DOCK11: variants seen among roughly 807,000 people sequenced by gnomAD.
DOCK11 encodes the protein dedicator of cytokinesis 11.
In DOCK11, 70 loss-of-function variants were observed where a neutral mutation model predicts 169.1. That is an observed-to-expected ratio of 0.41 (90% CI 0.34 to 0.51). The LOEUF (loss-of-function observed/expected upper bound fraction) is 0.51, where lower values mean the gene tolerates loss of function less well. DOCK11 is among the 20% of genes least tolerant of loss of function. DOCK11 has a pLI of 0.10. For missense variants in DOCK11, 1,166 were observed against 1,538.8 expected (o/e 0.76, Z 4.05); for synonymous variants, 529 against 541.3 (o/e 0.98, Z 0.32).
rs1157804079 is a variant in DOCK11, at chrX:118,544,645, C to CTTTTTTTTTTTTTTTTTT, written c.393-663_393-646dup. Among the ~76,000 whole-genome samples the CTTTTTTTTTTTTTTTTTT allele has an allele frequency of 1.3e-3, 30 of 23,361 alleles. 8 individuals are homozygous for CTTTTTTTTTTTTTTTTTT. Among genetic ancestry groups the CTTTTTTTTTTTTTTTTTT allele is most frequent in the African/African-American group, 2.5e-3 (14 of 5,543 alleles). The allele number at this position is 23,361 out of a possible 115,157, so 20.3% of individuals were successfully genotyped here. A position where few individuals can be genotyped will look rare whatever the true frequency, so the allele number is the denominator to read the frequency against. ...TGCAAGAGCCAGAATTACACTGTTG[C>CTTTTTTTTTTTTTTTTTT]TTTTTTTTTTTTTTTTTTTTTTTTT... On this transcript the variant is annotated intron_variant, in intron 4 of 52. Coordinates refer to ENST00000276202, the MANE Select transcript of DOCK11 (RefSeq NM_144658.4).
intron 14 of DOCK11, among the ~76,000 whole-genome samples, chrX:118,582,131 GA>G (rs1015131574): frequency 9.1e-6 from 1 of 109,946 alleles, no homozygotes; most frequent in Non-Finnish European, 1.9e-5. Flanking sequence ...CTGTCTCGGG[GA>G]AAAAAAAAGT....
intron 1 of DOCK11, among the ~76,000 whole-genome samples, chrX:118,518,969 T>A (rs138349472): frequency 0.017 from 1,951 of 112,110 alleles, 40 homozygotes; most frequent in African/African-American, 0.06. Context: ...AAGTAAGATC[T>A]ATGAAATTTT....
chrX:118,584,939 T>C (rs2013773722), intron 15 of DOCK11, 82 bp downstream of exon 15: 5 of 1,147,397 alleles, frequency 4.4e-6, no homozygotes, highest in Admixed American at 2.3e-5. Context: ...GAGTCATATA[T>C]GGGAAAAACA....
chrX:118,596,476 CAG>C (rs2014171360), intron 20 of DOCK11, among the ~76,000 whole-genome samples: 1 of 112,474 alleles, frequency 8.9e-6, no homozygotes. Context: ...CACTCACACA[CAG>C]AGTCACAAAT....
intron 35 of DOCK11, among the ~76,000 whole-genome samples, chrX:118,635,721 G>A (rs1284300851): frequency 5.4e-5 from 6 of 111,153 alleles, no homozygotes; most frequent in Non-Finnish European, 3.8e-5. Flanking sequence ...CCGAGTAGCT[G>A]GGATTATAGG....
At chrX:118,557,473 T>G (rs1042186804) in intron 6 of DOCK11, among the ~76,000 whole-genome samples, 2 of 110,471 alleles carry the variant, frequency 1.8e-5, no homozygotes, top group Non-Finnish European at 3.8e-5. Context: ...AGATTAGAAA[T>G]AGAGTCCAAG....
chrX:118,669,033 CGTT>C (rs765518848), intron 45 of DOCK11, among the ~76,000 whole-genome samples: 2 of 111,635 alleles, frequency 1.8e-5, no homozygotes, highest in Non-Finnish European at 3.8e-5. Flanking sequence ...GGAGCGTGTC[CGTT>C]GTTCTGTGAG....
At chrX:118,611,809 C>T (rs2014690902) in intron 28 of DOCK11, among the ~76,000 whole-genome samples, 2 of 110,805 alleles carry the variant, frequency 1.8e-5, no homozygotes, top group African/African-American at 6.6e-5. Flanking sequence ...GGCTGGAGTG[C>T]ACTGGTGCGA....
At chrX:118,550,090 A>G (rs1478362531) in intron 6 of DOCK11, among the ~76,000 whole-genome samples, 1 of 111,804 alleles carries the variant, frequency 8.9e-6, no homozygotes. Flanking sequence ...GAATCAGAGG[A>G]AGGTTCAGCT....
chrX:118,522,989 C>T (rs1041096875), intron 1 of DOCK11, among the ~76,000 whole-genome samples: 2 of 112,326 alleles, frequency 1.8e-5, no homozygotes, highest in East Asian at 2.8e-4. Context: ...ATCTGTTTTC[C>T]CATTGATAAA....
chrX:118,590,895 T>C (rs2013972824), intron 19 of DOCK11, among the ~76,000 whole-genome samples: 1 of 112,019 alleles, frequency 8.9e-6, no homozygotes, highest in Non-Finnish European at 1.9e-5. Context: ...TTTGAAACCC[T>C]GTCTCTGCCC....
At chrX:118,507,933 T>C (rs933479406) in intron 1 of DOCK11, among the ~76,000 whole-genome samples, 1 of 111,280 alleles carries the variant, frequency 9.0e-6, no homozygotes, top group Non-Finnish European at 1.9e-5. Flanking sequence ...GGATGCCAGA[T>C]TCCACAGTCA....
intron 1 of DOCK11, among the ~76,000 whole-genome samples, chrX:118,524,824 A>T (rs186933564): frequency 8.1e-5 from 9 of 111,433 alleles, no homozygotes; most frequent in African/African-American, 2.9e-4. Flanking sequence ...AAAACAGTTA[A>T]GTGGTTCCTC....
At chrX:118,592,782 T>C (rs866861425) in intron 19 of DOCK11, among the ~76,000 whole-genome samples, 51 of 112,723 alleles carry the variant, frequency 4.5e-4, no homozygotes, top group Admixed American at 2.9e-3. Context: ...TTTGCATATT[T>C]ATTTGTAATG....
intron 19 of DOCK11, among the ~76,000 whole-genome samples, chrX:118,591,167 T>C (rs894165190): frequency 8.9e-6 from 1 of 112,227 alleles, no homozygotes; most frequent in African/African-American, 3.2e-5. Context: ...GATTTTGCCA[T>C]GTCCACCTGC....
intron 1 of DOCK11, among the ~76,000 whole-genome samples, chrX:118,503,434 T>G (rs1163998648): frequency 9.0e-6 from 1 of 110,852 alleles, no homozygotes; most frequent in Non-Finnish European, 1.9e-5. Flanking sequence ...GCTGAGAAAA[T>G]CAACAGGATT....
intron 45 of DOCK11, among the ~76,000 whole-genome samples, chrX:118,663,011 C>T (rs907318640): frequency 8.9e-6 from 1 of 112,123 alleles, no homozygotes; most frequent in East Asian, 2.8e-4. Context: ...CATTTGCCGT[C>T]CTCAAGTCAC....
intron 52 of DOCK11, among the ~76,000 whole-genome samples, 176 bp downstream of exon 52, chrX:118,683,393 A>G (rs919140427): frequency 8.9e-6 from 1 of 112,393 alleles, no homozygotes; most frequent in Non-Finnish European, 1.9e-5. Flanking sequence ...ATTTGCAACA[A>G]TTATCTAAAG....
At chrX:118,601,850 T>C (rs1019117047) in intron 23 of DOCK11, among the ~76,000 whole-genome samples, 1 of 111,414 alleles carries the variant, frequency 9.0e-6, no homozygotes, top group East Asian at 2.8e-4. Context: ...TAATCTCAGC[T>C]CACTGCAACC....
Sources: allele counts gnomAD v4.1 joint callset (sites outside exome capture counted in the v4.1 genomes callset), GRCh38; gene constraint gnomAD v4.1.1; transcripts MANE v1.5; gene names NCBI Gene and HGNC (gene_info 2026-07-23, HGNC 2026-07-21).